Variants in KPNA4 observed in about 807,000 individuals in gnomAD.
KPNA4 encodes the protein karyopherin subunit alpha 4, also known as importin subunit alpha-3.
Under a neutral mutation model 71.3 loss-of-function variants are expected in KPNA4, and 13 were observed. That is an observed-to-expected ratio of 0.18 (90% CI 0.12 to 0.29). The LOEUF (loss-of-function observed/expected upper bound fraction) is 0.29. Among genes scored for constraint, KPNA4 ranks in the 10% least tolerant of loss-of-function variants. The probability of loss-of-function intolerance (pLI) is 1.00; values close to 1 mark genes in which losing one functional copy is unlikely to be tolerated. For synonymous variants in KPNA4, 189 were observed against 195.2 expected (o/e 0.97, Z 0.26); for missense variants, 334 against 603.2 (o/e 0.55, Z 4.67).
At chr3:160,558,889 A>C (rs987884909) in intron 1 of KPNA4, among the ~76,000 whole-genome samples, 3 of 152,226 alleles carry the variant, frequency 2.0e-5, no homozygotes, top group Non-Finnish European at 4.4e-5. Flanking sequence ...TTTGTTTAAA[A>C]GTCAGCTCAC....
chr3:160,557,961 C>T (rs1722173625), intron 1 of KPNA4, among the ~76,000 whole-genome samples: 1 of 152,192 alleles, frequency 6.6e-6, no homozygotes, highest in Non-Finnish European at 1.5e-5. Context: ...GGATTACAGG[C>T]ATGAGCCACT....
Position 160,530,934 on chromosome 3 carries a change from A to C in KPNA4, c.390T>G (p.Ser130=). ...VHCLERDDNP[S]LQFEAAWALT... ...AAGCCCATGCAGCTTCAAACTGTAA[A>C]GAAGGACTACAAAAAAAAACAAGTA... The change falls in exon 7 of 17, where the codon TCT becomes TCG. Residue 130 remains serine, a synonymous_variant. Coordinates refer to ENST00000334256, the MANE Select transcript of KPNA4 (RefSeq NM_002268.5). 1 of 1,604,606 alleles carries C rather than the reference A, an allele frequency of 6.2e-7. No homozygotes were observed. The highest frequency in any genetic ancestry group is 8.5e-7 in the Non-Finnish European group (1 of 1,175,992).
intron 7 of KPNA4, among the ~76,000 whole-genome samples, chr3:160,529,991 C>T (rs921453186): frequency 3.3e-5 from 5 of 151,440 alleles, no homozygotes; most frequent in Admixed American, 6.6e-5. Flanking sequence ...AAAAACTAGC[C>T]GGGCGTGGTG....
chr3:160,509,164 C>A (rs1315241126), intron 14 of KPNA4, among the ~76,000 whole-genome samples: 2 of 152,178 alleles, frequency 1.3e-5, no homozygotes, highest in African/African-American at 4.8e-5. Context: ...AGCTTTGTCA[C>A]CCGCACGACC....
intron 1 of KPNA4, among the ~76,000 whole-genome samples, chr3:160,539,454 T>G (rs569566601): frequency 6.6e-6 from 1 of 152,336 alleles, no homozygotes; most frequent in East Asian, 1.9e-4. Flanking sequence ...GAAGTTAGAT[T>G]GTTTGTCCAA....
intron 8 of KPNA4, 34 bp downstream of exon 8, chr3:160,527,919 A>G (rs1427381067): frequency 6.6e-7 from 1 of 1,511,544 alleles, no homozygotes; most frequent in Admixed American, 1.7e-5. Flanking sequence ...TATGATAACA[A>G]TTTTTAGACT....
At chr3:160,511,353 C>A (rs991952708) in intron 13 of KPNA4, among the ~76,000 whole-genome samples, 9 of 152,108 alleles carry the variant, frequency 5.9e-5, no homozygotes, top group Non-Finnish European at 1.2e-4. Flanking sequence ...GATCTGCCCG[C>A]CTCAGCCTCC....
chr3:160,508,855 G>T (rs1295958102), intron 14 of KPNA4, among the ~76,000 whole-genome samples: 1 of 152,132 alleles, frequency 6.6e-6, no homozygotes, highest in African/African-American at 2.4e-5. Context: ...ATGGCTCAAT[G>T]TGACAGCATC....
intron 10 of KPNA4, 57 bp downstream of exon 10, chr3:160,525,743 A>G: frequency 1.8e-6 from 2 of 1,130,740 alleles, no homozygotes; most frequent in Non-Finnish European, 1.2e-6. Context: ...GTCACAGGGG[A>G]AGCCCTAGAA....
intron 15 of KPNA4, 119 bp downstream of exon 15, chr3:160,507,988 T>G: frequency 1.3e-6 from 1 of 751,962 alleles, no homozygotes; most frequent in Non-Finnish European, 2.1e-6. Context: ...AATATTTACT[T>G]TATTCTGTTA....
intron 12 of KPNA4, 91 bp from the exon 13 acceptor site, chr3:160,514,272 GATTTT>G: frequency 1.3e-6 from 1 of 777,406 alleles, no homozygotes; most frequent in Non-Finnish European, 2.0e-6. Flanking sequence ...CTGTCCCAAT[GATTTT>G]ACTACGAAAT....
chr3:160,513,883 C>G (rs1308857721), intron 13 of KPNA4, among the ~76,000 whole-genome samples, 194 bp downstream of exon 13: 1 of 151,718 alleles, frequency 6.6e-6, no homozygotes, highest in Non-Finnish European at 1.5e-5. Context: ...AGGATTTGCC[C>G]CCCACCCCCC....
intron 1 of KPNA4, among the ~76,000 whole-genome samples, chr3:160,538,472 T>C (rs1019565549): frequency 1.1e-4 from 16 of 152,280 alleles, no homozygotes; most frequent in African/African-American, 3.4e-4. Context: ...AAAATAAAGA[T>C]GTAATTTCTT....
At chr3:160,509,742 T>C in intron 14 of KPNA4, 58 bp downstream of exon 14, 2 of 1,096,988 alleles carry the variant, frequency 1.8e-6, no homozygotes, top group Non-Finnish European at 2.8e-6. Flanking sequence ...TAAATCAATA[T>C]TACCTGTACT....
intron 1 of KPNA4, among the ~76,000 whole-genome samples, chr3:160,551,855 T>A (rs1404848014): frequency 3.3e-5 from 5 of 150,964 alleles, no homozygotes; most frequent in Admixed American, 2.0e-4. Flanking sequence ...GAAGTAACTG[T>A]ATTCTAATGG....
chr3:160,519,469 A>C (rs1307093889), intron 11 of KPNA4, among the ~76,000 whole-genome samples: 1 of 152,122 alleles, frequency 6.6e-6, no homozygotes, highest in Non-Finnish European at 1.5e-5. Context: ...TAAGGTTTTA[A>C]AAAGTCTACT....
At position 160,500,103 on chromosome 3, in the gene KPNA4, A is replaced by T. The variant is rs1720846561; in HGVS notation, c.*2001T>A. The stretch of plus-strand genomic sequence containing the variant: ...AAAAGACAGGAAGCTAATGTAAGCC[A>T]TTGAATTATACTCTAACTTTATAAA... On this transcript the variant is annotated 3_prime_UTR_variant, in exon 17 of 17. Coordinates refer to ENST00000334256, the MANE Select transcript of KPNA4 (RefSeq NM_002268.5). 6.6e-6 allele frequency: 1 copy of T among 151,946 alleles called. No individual in the cohort carries two copies. The highest frequency in any genetic ancestry group is 2.1e-4 in the South Asian group (1 of 4,824). The allele number at this position is 151,946 out of a possible 1,614,324, so 9.4% of individuals were successfully genotyped here.
At chr3:160,537,405 A>G (rs1395017624) in intron 1 of KPNA4, among the ~76,000 whole-genome samples, 4 of 151,606 alleles carry the variant, frequency 2.6e-5, no homozygotes, top group Admixed American at 2.0e-4. Context: ...ATAAAGACCT[A>G]TTTTATTATT....
chr3:160,509,018 C>T (rs1721041639), intron 14 of KPNA4, among the ~76,000 whole-genome samples: 1 of 152,176 alleles, frequency 6.6e-6, no homozygotes, highest in African/African-American at 2.4e-5. Context: ...TCACTGAAAA[C>T]CACCAGTCTG....
Sources: allele counts gnomAD v4.1 joint callset (sites outside exome capture counted in the v4.1 genomes callset), GRCh38; gene constraint gnomAD v4.1.1; transcripts MANE v1.5; gene names NCBI Gene and HGNC (gene_info 2026-07-23, HGNC 2026-07-21).